Variants in SLC24A4 observed in about 807,000 individuals in gnomAD.
SLC24A4 encodes the protein solute carrier family 24 member 4.
Under a neutral mutation model 79.0 loss-of-function variants are expected in SLC24A4, and 53 were observed. That is an observed-to-expected ratio of 0.67 (90% CI 0.54 to 0.84). SLC24A4 has a LOEUF of 0.84. Among genes scored for constraint, SLC24A4 ranks in the 40% least tolerant of loss-of-function variants. The pLI is 0.00. For synonymous variants in SLC24A4, 323 were observed against 323.8 expected (o/e 1.00, Z 0.03); for missense variants, 731 against 822.0 (o/e 0.89, Z 1.35).
chr14:92,402,202 C>A (rs1000833237), intron 2 of SLC24A4, among the ~76,000 whole-genome samples: 1 of 152,108 alleles, frequency 6.6e-6, no homozygotes, highest in South Asian at 2.1e-4. Flanking sequence ...ACTTGGTTCC[C>A]GTGGCTTCTA....
rs1281418923 is a variant in SLC24A4, at chr14:92,457,292, GTCATTCCTA to G, written c.1255+685_1255+693del. The G allele has an allele frequency of 8.6e-4, 8 of 9,294 alleles. No homozygotes were observed. In the African/African-American group the frequency reaches 0.012, roughly 14 times the overall value. The allele number at this position is 9,294 out of a possible 1,614,324, so 0.6% of individuals were successfully genotyped here. Reference sequence around the variant, plus strand: ...CTCACTGTCATTCCTAGAACACACTGTCATTCCTAGAACTGCGCACCTGCCCCAGGACCT... The same window carrying G: ...CTCACTGTCATTCCTAGAACACACTGGAACTGCGCACCTGCCCCAGGACCT... On this transcript the variant is annotated intron_variant, in intron 12 of 16. Coordinates refer to ENST00000532405, the MANE Select transcript of SLC24A4 (RefSeq NM_153646.4).
At chr14:92,482,509 TCCA>T (rs1895115809) in intron 12 of SLC24A4, among the ~76,000 whole-genome samples, 168 bp from the exon 13 acceptor site, 1 of 152,248 alleles carries the variant, frequency 6.6e-6, no homozygotes, top group Non-Finnish European at 1.5e-5. Context: ...TCTTGCCACT[TCCA>T]GGGTGACATT....
chr14:92,352,163 C>G (rs1219563347), intron 2 of SLC24A4, among the ~76,000 whole-genome samples: 6 of 152,048 alleles, frequency 3.9e-5, no homozygotes, highest in African/African-American at 1.4e-4. Flanking sequence ...GAAGAGAGAC[C>G]TTGAACAAGG....
chr14:92,476,052 GA>G (rs1894746259), intron 12 of SLC24A4, among the ~76,000 whole-genome samples: 1 of 152,182 alleles, frequency 6.6e-6, no homozygotes, highest in African/African-American at 2.4e-5. Context: ...TAGCAGGCAA[GA>G]AAAAGGCAAA....
intron 2 of SLC24A4, among the ~76,000 whole-genome samples, chr14:92,352,960 A>C (rs896921540): frequency 1.3e-5 from 2 of 152,344 alleles, no homozygotes; most frequent in South Asian, 2.1e-4. Flanking sequence ...GCCCCTGGAG[A>C]GTAACTGTGC....
intron 2 of SLC24A4, among the ~76,000 whole-genome samples, chr14:92,410,682 C>T (rs1267260736): frequency 1.3e-5 from 2 of 152,144 alleles, no homozygotes; most frequent in Non-Finnish European, 2.9e-5. Context: ...GATGCTAATA[C>T]AATGCCTGTT....
rs1895257175 is a variant in SLC24A4, at chr14:92,484,648, GAA to G, written c.1422+1803_1422+1804del. ...CCCCAGCCCCAGGCACTCACACTTG[GAA>G]CACCCTGGCCTTGGTTCAGCTAAAT... On this transcript the variant is annotated intron_variant, in intron 13 of 16. Transcript: ENST00000532405. 3.5e-5 allele frequency: 34 copies of G among 985,348 alleles called. No homozygotes were observed. The South Asian group carries it at 1.6e-3, about 45-fold the overall frequency. 61.0% of individuals were successfully genotyped at this position (985,348 alleles called of 1,614,324 possible).
At chr14:92,361,177 G>A (rs1328511743) in intron 2 of SLC24A4, among the ~76,000 whole-genome samples, 1 of 150,262 alleles carries the variant, frequency 6.7e-6, no homozygotes, top group Non-Finnish European at 1.5e-5. Flanking sequence ...TTCCCCACAT[G>A]TTTCTCATCT....
intron 8 of SLC24A4, among the ~76,000 whole-genome samples, chr14:92,446,529 G>C (rs1892807175): frequency 6.6e-6 from 1 of 152,144 alleles, no homozygotes; most frequent in Non-Finnish European, 1.5e-5. Flanking sequence ...CCAGAAACCT[G>C]GTTCTGGTCC....
chr14:92,379,480 A>G (rs1888704552), intron 2 of SLC24A4, among the ~76,000 whole-genome samples: 1 of 151,910 alleles, frequency 6.6e-6, no homozygotes, highest in African/African-American at 2.4e-5. Flanking sequence ...ATAATCTAGG[A>G]GGGGAAGGAC....
intron 12 of SLC24A4, among the ~76,000 whole-genome samples, chr14:92,463,349 G>A (rs780721506): frequency 1.3e-5 from 2 of 152,138 alleles, no homozygotes; most frequent in African/African-American, 2.4e-5. Flanking sequence ...TTAGCGTCTC[G>A]GCACGTTGGT....
intron 8 of SLC24A4, among the ~76,000 whole-genome samples, chr14:92,446,751 G>A (rs896375907): frequency 6.6e-6 from 1 of 152,250 alleles, no homozygotes; most frequent in Non-Finnish European, 1.5e-5. Context: ...TAAAGCTTGT[G>A]TGCTGCTCCA....
chr14:92,463,633 G>T (rs1264766310), intron 12 of SLC24A4, among the ~76,000 whole-genome samples: 1 of 152,182 alleles, frequency 6.6e-6, no homozygotes, highest in Non-Finnish European at 1.5e-5. Flanking sequence ...ACCTGGCTGA[G>T]CGTCCTTATT....
chr14:92,487,522 G>T (rs943654), intron 14 of SLC24A4, among the ~76,000 whole-genome samples: 3,127 of 152,238 alleles, frequency 0.021, 110 homozygotes, highest in African/African-American at 0.071. Context: ...AAGATAAAGG[G>T]TTGATTGGTT....
At chr14:92,394,000 G>T (rs907826945) in intron 2 of SLC24A4, among the ~76,000 whole-genome samples, 7 of 151,560 alleles carry the variant, frequency 4.6e-5, no homozygotes, top group African/African-American at 1.5e-4. Context: ...GAAAGAGCGA[G>T]ATTTGGTCCC....
rs575539079 is a variant in SLC24A4, at chr14:92,490,105, C to A, written c.1538-1560C>A. Among the ~76,000 whole-genome samples the A allele has an allele frequency of 6.6e-6, 1 of 152,116 alleles. No individual in the cohort carries two copies. Among genetic ancestry groups the A allele is most frequent in the African/African-American group, 2.4e-5 (1 of 41,434 alleles). On this transcript the variant is annotated intron_variant, in intron 14 of 16. Coordinates refer to ENST00000532405, the MANE Select transcript of SLC24A4 (RefSeq NM_153646.4). This position sits in a 1 kb window ranked among gnomAD's most constrained non-coding sequence, Gnocchi z 4.3. The stretch of plus-strand genomic sequence containing the variant: ...AGGTGACCTAGCTATGCAACATGGG[C>A]GGGCTGGCAGTCGAACAGAGATGGG...
chr14:92,383,852 AC>A (rs1888992254), intron 2 of SLC24A4, among the ~76,000 whole-genome samples: 1 of 151,338 alleles, frequency 6.6e-6, no homozygotes, highest in African/African-American at 2.4e-5. Flanking sequence ...CTTCTTATCC[AC>A]CCCCAGGACC....
At chr14:92,442,290 T>A (rs1249777034) in intron 5 of SLC24A4, 117 bp downstream of exon 5, 1 of 753,656 alleles carries the variant, frequency 1.3e-6, no homozygotes, top group Non-Finnish European at 2.2e-6. Context: ...AATGGGAGAA[T>A]TGGAGAGGCA....
At chr14:92,409,669 G>A (rs1396385447) in intron 2 of SLC24A4, among the ~76,000 whole-genome samples, 1 of 152,114 alleles carries the variant, frequency 6.6e-6, no homozygotes, top group Non-Finnish European at 1.5e-5. Context: ...TCTCCTGACT[G>A]GTGACAACAC....
Sources: allele counts gnomAD v4.1 joint callset (sites outside exome capture counted in the v4.1 genomes callset), GRCh38; gene constraint gnomAD v4.1.1; non-coding constraint Gnocchi (gnomAD v3.1); transcripts MANE v1.5; gene names NCBI Gene and HGNC (gene_info 2026-07-23, HGNC 2026-07-21).